ABCC5: variants seen among roughly 807,000 people sequenced by gnomAD.
ABCC5 encodes ATP binding cassette subfamily C member 5, also known as ATP-binding cassette sub-family C member 5.
A neutral mutation model predicts 160.9 loss-of-function variants in ABCC5; 61 were observed. The ratio of observed to expected loss-of-function variants is 0.38; its 90% CI spans 0.31 to 0.47. The LOEUF is 0.47. Among genes scored for constraint, ABCC5 ranks in the 20% least tolerant of loss-of-function variants. The probability of loss-of-function intolerance (pLI) is 0.99; values close to 1 mark genes in which losing one functional copy is unlikely to be tolerated. For missense variants in ABCC5, 1,308 were observed against 1,813.3 expected (o/e 0.72, Z 5.06); for synonymous variants, 666 against 700.6 (o/e 0.95, Z 0.78).
intron 17 of ABCC5, 89 bp from the exon 18 acceptor site, chr3:183,953,359 C>A: frequency 8.3e-7 from 1 of 1,207,700 alleles, no homozygotes; most frequent in Non-Finnish European, 1.1e-6. Context: ...AATCGGACAA[C>A]CGGCAGCTTC....
At position 183,947,516 on chromosome 3, in the gene ABCC5, A is replaced by C. The variant is rs1714958850; in HGVS notation, c.3228-6T>G. 1 of 1,583,794 alleles carries C rather than the reference A, an allele frequency of 6.3e-7. No individual in the cohort carries two copies. Among genetic ancestry groups the C allele is most frequent in the Non-Finnish European group, 8.6e-7 (1 of 1,161,270 alleles). On this transcript the variant is annotated splice_polypyrimidine_tract_variant and splice_region_variant and intron_variant, in intron 22 of 29. Coordinates refer to ENST00000334444, the MANE Select transcript of ABCC5 (RefSeq NM_005688.4). ...CATCCAGCAGCTCCTGGTATCTGTG[A>C]GAAAGACAACACTTAATGGGCAAAG... is the stretch of plus-strand genomic sequence containing the variant.
rs55882083 is a variant in ABCC5, at chr3:184,010,798, C to CTTT, written c.129+3463_129+3465dup. On this transcript the variant is annotated intron_variant, in intron 2 of 29. Transcript: ENST00000334444. ...CTTCAAAATCAAAATCATTCTTCTT[C>CTTT]TTTTTTTTTTTTTTTTGGAGATGGA... Among the ~76,000 whole-genome samples the CTTT allele has an allele frequency of 3.6e-3, 495 of 136,598 alleles. 11 individuals carry two copies. The highest frequency in any genetic ancestry group is 0.031 in the East Asian group (143 of 4,630). The allele number at this position is 136,598 out of a possible 152,430, so 89.6% of individuals were successfully genotyped here.
chr3:184,016,490 A>G (rs976346456), intron 1 of ABCC5, among the ~76,000 whole-genome samples: 2 of 152,198 alleles, frequency 1.3e-5, no homozygotes, highest in African/African-American at 4.8e-5. Flanking sequence ...ACAGGTTTGG[A>G]AAGAAACAAA....
At chr3:183,995,600 T>C (rs1269473599) in intron 2 of ABCC5, among the ~76,000 whole-genome samples, 1 of 152,224 alleles carries the variant, frequency 6.6e-6, no homozygotes, top group Admixed American at 6.5e-5. Context: ...CATGCCTGTG[T>C]GAGTCTATTT....
At chr3:183,964,010 T>G (rs1717009107) in intron 14 of ABCC5, among the ~76,000 whole-genome samples, 2 of 152,294 alleles carry the variant, frequency 1.3e-5, no homozygotes, top group South Asian at 4.2e-4. Context: ...TGTCACCCAG[T>G]TCCCCAGCAG....
At chr3:183,924,746 C>A (rs1285950664) in intron 29 of ABCC5, among the ~76,000 whole-genome samples, 1 of 152,130 alleles carries the variant, frequency 6.6e-6, no homozygotes, top group African/African-American at 2.4e-5. Flanking sequence ...GGAGACAGGG[C>A]ATTGCACAAT....
At chr3:183,957,015 C>T (rs1422478922) in intron 17 of ABCC5, among the ~76,000 whole-genome samples, 3 of 147,804 alleles carry the variant, frequency 2.0e-5, no homozygotes, top group Non-Finnish European at 3.0e-5. Flanking sequence ...CATGCGGATC[C>T]GTGTGTACAT....
intron 17 of ABCC5, among the ~76,000 whole-genome samples, chr3:183,955,647 T>C (rs13323043): frequency 1.5e-5 from 2 of 135,902 alleles, no homozygotes; most frequent in African/African-American, 5.3e-5. Flanking sequence ...TCCGTGTGTA[T>C]ATCACATCGG....
Position 183,987,244 on chromosome 3 carries a change from A to G in ABCC5, c.591+526T>C. The G allele has an allele frequency of 5.0e-6, 1 of 200,516 alleles. No individual in the cohort carries two copies. The highest frequency in any genetic ancestry group is 1.3e-4 in the East Asian group (1 of 7,990). 12.4% of individuals were successfully genotyped at this position (200,516 alleles called of 1,614,324 possible). ...GGGGAAAACCACGGCTGCCACCCCA[A>G]CACTTGCCACACAGTCACACTATAA... On this transcript the variant is annotated intron_variant, in intron 5 of 29. Transcript: ENST00000334444. The surrounding 1 kb of genome is among the most constrained non-coding windows in gnomAD (Gnocchi z 4.2).
chr3:183,978,832 G>C (rs539871457), intron 8 of ABCC5, among the ~76,000 whole-genome samples, 181 bp from the exon 9 acceptor site: 1 of 152,166 alleles, frequency 6.6e-6, no homozygotes, highest in Non-Finnish European at 1.5e-5. Context: ...TGACAGGAAT[G>C]AATCTAACAG....
chr3:183,974,598 C>A (rs1233050255), intron 10 of ABCC5, among the ~76,000 whole-genome samples: 1 of 152,178 alleles, frequency 6.6e-6, no homozygotes, highest in Non-Finnish European at 1.5e-5. Context: ...CGTGAGCCAC[C>A]ATGCCGGGCC....
rs756612654 is a variant in ABCC5 at position 183,953,042 on chromosome 3, C to T, written c.2667+44G>A. On this transcript the variant is annotated intron_variant, in intron 18 of 29. Coordinates refer to ENST00000334444, the MANE Select transcript of ABCC5 (RefSeq NM_005688.4). ...TAGCCAGGGAATAGGGAGAAACGGC[C>T]ACATTCTTAGACACAGAACTTTCCC... The T allele has an allele frequency of 2.6e-6, 4 of 1,553,714 alleles. No homozygotes were observed. In the East Asian group the frequency reaches 9.0e-5, roughly 35 times the overall value.
chr3:184,005,849 GT>G (rs1480031583), intron 2 of ABCC5, among the ~76,000 whole-genome samples: 1 of 149,790 alleles, frequency 6.7e-6, no homozygotes, highest in South Asian at 2.1e-4. Context: ...CATTGAAAAA[GT>G]TTTCATTAAC....
At chr3:183,985,423 C>T in intron 5 of ABCC5, 1 of 1,538,430 alleles carries the variant, frequency 6.5e-7, no homozygotes, top group Non-Finnish European at 9.0e-7. Flanking sequence ...GAGAGACTCC[C>T]CCCAAATCCA....
At chr3:183,984,952 C>A in intron 5 of ABCC5, 2 of 1,432,770 alleles carry the variant, frequency 1.4e-6, no homozygotes, top group Admixed American at 2.0e-5. Flanking sequence ...TTTAGAGTGC[C>A]ATTTTTCAGC....
chr3:183,965,876 A>G (rs544292046), intron 12 of ABCC5, among the ~76,000 whole-genome samples: 1 of 152,182 alleles, frequency 6.6e-6, no homozygotes, highest in African/African-American at 2.4e-5. Flanking sequence ...GGGCAGGCCA[A>G]CTCATCCAAG....
intron 2 of ABCC5, among the ~76,000 whole-genome samples, chr3:184,013,097 G>A (rs1041686770): frequency 2.0e-5 from 3 of 152,106 alleles, no homozygotes; most frequent in Admixed American, 1.3e-4. Context: ...ATATTTTCTC[G>A]AGGTAAAAAC....
chr3:183,960,536 C>T (rs1242503437), intron 16 of ABCC5, among the ~76,000 whole-genome samples: 1 of 152,194 alleles, frequency 6.6e-6, no homozygotes, highest in East Asian at 1.9e-4. Flanking sequence ...TCCATTAGTA[C>T]TATACATGTG....
chr3:183,947,799 T>C (rs1403585430), intron 22 of ABCC5, among the ~76,000 whole-genome samples: 9 of 151,976 alleles, frequency 5.9e-5, no homozygotes, highest in African/African-American at 2.2e-4. Context: ...AGAGTAAACA[T>C]GGGAAAAGAG....
Sources: allele counts gnomAD v4.1 joint callset (sites outside exome capture counted in the v4.1 genomes callset), GRCh38; gene constraint gnomAD v4.1.1; non-coding constraint Gnocchi (gnomAD v3.1); transcripts MANE v1.5; gene names NCBI Gene and HGNC (gene_info 2026-07-23, HGNC 2026-07-21).